Variants in DLC1 observed in about 807,000 individuals in gnomAD.
The protein encoded by DLC1 is DLC1 Rho GTPase activating protein.
DLC1 carries 54 observed loss-of-function variants against 140.3 expected under a neutral mutation model. That is an observed-to-expected ratio of 0.38 (90% CI 0.31 to 0.48). The LOEUF is 0.48. DLC1 is among the 20% of genes least tolerant of loss of function. DLC1 has a pLI of 0.96. For synonymous variants in DLC1, 986 were observed against 728.1 expected (o/e 1.35, Z -5.70); for missense variants, 2,536 against 1,907.0 (o/e 1.33, Z -6.14).
intron 1 of DLC1, chr8:13,536,132 G>A (rs1803273473): frequency 6.6e-6 from 1 of 152,234 alleles, no homozygotes; most frequent in Non-Finnish European, 1.5e-5. Context: ...GTGAACAGCA[G>A]CTCCCCCTTG....
chr8:13,477,093 A>G (rs1391203191), intron 2 of DLC1, among the ~76,000 whole-genome samples: 2 of 152,102 alleles, frequency 1.3e-5, no homozygotes, highest in African/African-American at 4.8e-5. Context: ...ACAGCTTCCT[A>G]TTTCTCACTA....
intron 1 of DLC1, among the ~76,000 whole-genome samples, chr8:13,547,395 G>A (rs1803688420): frequency 6.6e-6 from 1 of 151,906 alleles, no homozygotes; most frequent in Non-Finnish European, 1.5e-5. Context: ...CTCATATCAC[G>A]AATCACATTT....
chr8:13,331,252 C>G (rs1833575689), intron 4 of DLC1, among the ~76,000 whole-genome samples: 1 of 152,162 alleles, frequency 6.6e-6, no homozygotes, highest in Non-Finnish European at 1.5e-5. Context: ...ATTGGCTACT[C>G]TGGAAAATAA....
intron 1 of DLC1, among the ~76,000 whole-genome samples, chr8:13,594,917 G>A (rs577501391): frequency 1.3e-5 from 2 of 151,700 alleles, no homozygotes; most frequent in Admixed American, 1.3e-4. Flanking sequence ...GGAGATTGTG[G>A]AAGTTGATGT....
At chr8:13,098,684 C>G in intron 9 of DLC1, 109 bp from the exon 10 acceptor site, 1 of 1,169,048 alleles carries the variant, frequency 8.6e-7, no homozygotes, top group South Asian at 1.7e-5. Flanking sequence ...GGTGCCATCA[C>G]AGCTCACTGC....
intron 2 of DLC1, among the ~76,000 whole-genome samples, chr8:13,420,246 A>G (rs1204701585): frequency 1.3e-5 from 2 of 151,830 alleles, no homozygotes; most frequent in East Asian, 3.9e-4. Context: ...CTTTTCTTGT[A>G]GGGTCTTTCC....
At chr8:13,172,536 G>A (rs769964226) in intron 5 of DLC1, among the ~76,000 whole-genome samples, 32 of 152,148 alleles carry the variant, frequency 2.1e-4, no homozygotes, top group Non-Finnish European at 4.3e-4. Context: ...AATGTTAACC[G>A]TTATTATAAT....
At chr8:13,435,143 A>G (rs1839061145) in intron 2 of DLC1, among the ~76,000 whole-genome samples, 1 of 152,204 alleles carries the variant, frequency 6.6e-6, no homozygotes. Flanking sequence ...AGGTAAAAAT[A>G]TCAACATGAA....
chr8:13,435,542 G>A (rs1477060845), intron 2 of DLC1, among the ~76,000 whole-genome samples: 1 of 152,118 alleles, frequency 6.6e-6, no homozygotes, highest in Non-Finnish European at 1.5e-5. Flanking sequence ...TTGAACTCCT[G>A]ACCTCAGGTG....
upstream of DLC1, chr8:13,514,866 G>T (rs954161963): frequency 5.2e-6 from 2 of 384,798 alleles, no homozygotes; most frequent in African/African-American, 2.1e-5. Context: ...TTTTGCAAAA[G>T]GGGCCTCCAC....
At chr8:13,265,424 G>T (rs1431254870) in intron 5 of DLC1, among the ~76,000 whole-genome samples, 1 of 152,166 alleles carries the variant, frequency 6.6e-6, no homozygotes, top group African/African-American at 2.4e-5. Context: ...AGCATGGAAG[G>T]CCGCGAAGGT....
intron 7 of DLC1, among the ~76,000 whole-genome samples, chr8:13,110,190 C>A (rs1392307320): frequency 3.3e-5 from 5 of 152,150 alleles, no homozygotes; most frequent in Admixed American, 3.3e-4. Flanking sequence ...AGCTTGAAGA[C>A]CCAAAACCAC....
intron 4 of DLC1, among the ~76,000 whole-genome samples, chr8:13,367,123 C>G (rs536770392): frequency 6.6e-6 from 1 of 152,148 alleles, no homozygotes; most frequent in South Asian, 2.1e-4. Context: ...TTGTGTCTCT[C>G]TCCTTAAAAT....
At chr8:13,453,432 A>T (rs1417145912) in intron 2 of DLC1, among the ~76,000 whole-genome samples, 28 of 28,596 alleles carry the variant, frequency 9.8e-4, no homozygotes, top group South Asian at 2.2e-3. Context: ...ATGTGTATAT[A>T]TATATGTATA....
chr8:13,193,986 C>T (rs1013638343), intron 5 of DLC1, among the ~76,000 whole-genome samples: 1 of 152,106 alleles, frequency 6.6e-6, no homozygotes, highest in Non-Finnish European at 1.5e-5. Flanking sequence ...ATTTTAAATT[C>T]AGGCTTATAT....
intron 2 of DLC1, among the ~76,000 whole-genome samples, chr8:13,405,040 T>C (rs890134369): frequency 9.9e-5 from 15 of 151,958 alleles, no homozygotes; most frequent in African/African-American, 2.9e-4. Flanking sequence ...TGTGTACTTC[T>C]GGAGGATTTT....
In DLC1 at chr8:13,221,708, GTA is replaced by G. The variant is rs1272279041; in HGVS notation, c.1348+83559_1348+83560del. 7.7e-5 allele frequency among the ~76,000 whole-genome samples: 9 copies of G among 117,366 alleles called. No individual in the cohort carries two copies. In the South Asian group the frequency reaches 1.4e-3, roughly 18 times the overall value. The allele number at this position is 117,366 out of a possible 152,430, so 77.0% of individuals were successfully genotyped here. A position where few individuals can be genotyped will look rare whatever the true frequency, so the allele number is the denominator to read the frequency against. ...TGTGTGTGTGTGTGTATATGTGTGTGTATATGTGTGTGTGTGTGTATATATAT... is the reference window on the plus strand; with the variant it reads ...TGTGTGTGTGTGTGTATATGTGTGTGTATGTGTGTGTGTGTGTATATATAT... On this transcript the variant is annotated intron_variant, in intron 5 of 17. Transcript: ENST00000276297.
At chr8:13,128,667 C>T (rs1017648827) in intron 5 of DLC1, among the ~76,000 whole-genome samples, 12 of 152,154 alleles carry the variant, frequency 7.9e-5, no homozygotes, top group African/African-American at 2.9e-4. Flanking sequence ...CCTGTTTCTA[C>T]TAAAAATACC....
At chr8:13,477,271 A>G (rs1038985683) in intron 2 of DLC1, among the ~76,000 whole-genome samples, 4 of 152,200 alleles carry the variant, frequency 2.6e-5, no homozygotes, top group African/African-American at 9.7e-5. Context: ...TATCTTCAAG[A>G]AGACAGCGTG....
Sources: gnomAD v4.1 joint callset for allele counts (sites outside exome capture counted in the v4.1 genomes callset) on GRCh38, gnomAD v4.1.1 for gene constraint, MANE v1.5 for transcripts, NCBI Gene and HGNC (gene_info 2026-07-23, HGNC 2026-07-21) for gene names.